The following MAP6 variants were observed in gnomAD, a reference collection of about 807,000 sequenced individuals.
MAP6 encodes the protein microtubule associated protein 6, also known as microtubule-associated protein 6.
MAP6 carries 26 observed loss-of-function variants against 42.4 expected under a neutral mutation model. The ratio of observed to expected loss-of-function variants is 0.61; its 90% CI spans 0.45 to 0.85. MAP6 has a LOEUF of 0.85. Ranked by LOEUF, MAP6 falls within the 40% of genes least tolerant of loss-of-function variation. MAP6 has a pLI of 0.00. For missense variants in MAP6, 966 were observed against 1,099.0 expected (o/e 0.88, Z 1.71); for synonymous variants, 418 against 443.8 (o/e 0.94, Z 0.73).
chr11:75,615,830 T>C (rs1942985508), intron 1 of MAP6, among the ~76,000 whole-genome samples: 1 of 152,044 alleles, frequency 6.6e-6, no homozygotes, highest in African/African-American at 2.4e-5. Flanking sequence ...TTAAGCACAG[T>C]TGCTTGCAGT....
chr11:75,605,018 T>C (rs140855543), intron 3 of MAP6: 78 of 985,486 alleles, frequency 7.9e-5, no homozygotes, highest in Middle Eastern at 5.2e-4. Flanking sequence ...ACCAGCAGCA[T>C]TGGACAGGTG....
chr11:75,596,775 C>A (rs629238), intron 3 of MAP6, among the ~76,000 whole-genome samples: 1 of 152,008 alleles, frequency 6.6e-6, no homozygotes, highest in Non-Finnish European at 1.5e-5. Context: ...AATTCTGGGT[C>A]AGGGGTGGAG....
At chr11:75,645,712 A>T (rs1468420298) in intron 1 of MAP6, among the ~76,000 whole-genome samples, 1 of 152,230 alleles carries the variant, frequency 6.6e-6, no homozygotes, top group Non-Finnish European at 1.5e-5. Context: ...AAACAATAGG[A>T]CATGATGAAG....
chr11:75,631,399 T>C (rs1943281661), intron 1 of MAP6, among the ~76,000 whole-genome samples: 1 of 152,200 alleles, frequency 6.6e-6, no homozygotes, highest in Admixed American at 6.5e-5. Context: ...GCTGTGGTGG[T>C]GTGCAGATTT....
chr11:75,617,765 G>A (rs897492327), intron 1 of MAP6, among the ~76,000 whole-genome samples: 8 of 152,090 alleles, frequency 5.3e-5, no homozygotes, highest in Admixed American at 4.6e-4. Flanking sequence ...TAGGTTGTAA[G>A]AAAACTTCCC....
chr11:75,637,556 A>G (rs1309098503), intron 1 of MAP6, among the ~76,000 whole-genome samples: 1 of 152,110 alleles, frequency 6.6e-6, no homozygotes, highest in Non-Finnish European at 1.5e-5. Context: ...GTGAGAGAGA[A>G]GAGAGCACTA....
intron 1 of MAP6, among the ~76,000 whole-genome samples, chr11:75,625,076 C>T (rs903686943): frequency 1.3e-5 from 2 of 152,096 alleles, no homozygotes; most frequent in African/African-American, 2.4e-5. Context: ...AGGGCCTCGC[C>T]GAGGAATCTC....
chr11:75,665,647 AG>A (rs1270152728), intron 1 of MAP6, among the ~76,000 whole-genome samples: 2 of 152,268 alleles, frequency 1.3e-5, no homozygotes, highest in African/African-American at 4.8e-5. Context: ...AGCAAGCCAT[AG>A]CAGAACTAGA....
chr11:75,660,572 C>T (rs1345685309), intron 1 of MAP6, among the ~76,000 whole-genome samples: 8 of 152,084 alleles, frequency 5.3e-5, no homozygotes, highest in Admixed American at 3.3e-4. Flanking sequence ...TGTTTTGTAC[C>T]CGTATTATGT....
intron 1 of MAP6, among the ~76,000 whole-genome samples, chr11:75,609,755 T>C (rs1942856226): frequency 6.6e-6 from 1 of 152,160 alleles, no homozygotes; most frequent in African/African-American, 2.4e-5. Context: ...ACTACTGGCT[T>C]TTAAGAGACC....
chr11:75,630,179 A>G (rs2135631632), intron 1 of MAP6, among the ~76,000 whole-genome samples: 1 of 152,336 alleles, frequency 6.6e-6, no homozygotes, highest in African/African-American at 2.4e-5. Flanking sequence ...CAGCCCAGTT[A>G]GAGAACCAGC....
At chr11:75,599,974 A>G (rs1013591858) in intron 3 of MAP6, among the ~76,000 whole-genome samples, 1 of 152,212 alleles carries the variant, frequency 6.6e-6, no homozygotes, top group African/African-American at 2.4e-5. Context: ...ATACATATAA[A>G]TTGTTAGAAT....
At chr11:75,643,817 A>G (rs1445873220) in intron 1 of MAP6, among the ~76,000 whole-genome samples, 1 of 152,204 alleles carries the variant, frequency 6.6e-6, no homozygotes, top group Non-Finnish European at 1.5e-5. Context: ...GGTGAGGCTC[A>G]GAGAAGGTAA....
chr11:75,644,660 T>C (rs1433596113), intron 1 of MAP6, among the ~76,000 whole-genome samples: 1 of 152,138 alleles, frequency 6.6e-6, no homozygotes, highest in African/African-American at 2.4e-5. Flanking sequence ...TTTGCAATAT[T>C]GTACTGGTAT....
rs188237466 is a variant in MAP6, at chr11:75,635,284, G to A, written c.906-26962C>T. On this transcript the variant is annotated intron_variant, in intron 1 of 3. Coordinates refer to ENST00000304771, the MANE Select transcript of MAP6 (RefSeq NM_033063.2). ...TCTTGGGCTTGTGACAGGACAGAAC[G>A]TGTCTGAGCCTCATTTTATTAAAGT... 5.3e-5 allele frequency among the ~76,000 whole-genome samples: 8 copies of A among 152,272 alleles called. No individual in the cohort carries two copies. The South Asian group carries it at 6.2e-4, about 12-fold the overall frequency.
At chr11:75,629,354 C>T (rs1481734514) in intron 1 of MAP6, among the ~76,000 whole-genome samples, 2 of 151,900 alleles carry the variant, frequency 1.3e-5, no homozygotes, top group African/African-American at 4.8e-5. Flanking sequence ...TCCCAAAGTG[C>T]TGGGATTACA....
intron 3 of MAP6, among the ~76,000 whole-genome samples, chr11:75,590,675 T>C (rs2135570453): frequency 6.6e-6 from 1 of 152,340 alleles, no homozygotes; most frequent in East Asian, 1.9e-4. Flanking sequence ...GTCCCCAATA[T>C]TACTTTTTTA....
chr11:75,664,264 T>G (rs567231543), intron 1 of MAP6, among the ~76,000 whole-genome samples: 1 of 152,356 alleles, frequency 6.6e-6, no homozygotes, highest in South Asian at 2.1e-4. Context: ...TCCTGGATAC[T>G]ACTTGAATGC....
intron 1 of MAP6, chr11:75,642,728 C>T: frequency 3.8e-6 from 1 of 265,250 alleles, no homozygotes; most frequent in Non-Finnish European, 8.2e-6. Context: ...ACCCTACCAG[C>T]CACAACAGAA....
Sources: gnomAD v4.1 joint callset for allele counts (sites outside exome capture counted in the v4.1 genomes callset) on GRCh38, gnomAD v4.1.1 for gene constraint, MANE v1.5 for transcripts, NCBI Gene and HGNC (gene_info 2026-07-23, HGNC 2026-07-21) for gene names.